Variants in RAF1 observed in about 807,000 individuals in gnomAD.
The protein encoded by RAF1 is RAF proto-oncogene serine/threonine-protein kinase.
In RAF1, 27 loss-of-function variants were observed where a neutral mutation model predicts 81.1. That is an observed-to-expected ratio of 0.33 (90% CI 0.25 to 0.46). RAF1 has a LOEUF of 0.46. Among genes scored for constraint, RAF1 ranks in the 20% least tolerant of loss-of-function variants. The probability of loss-of-function intolerance (pLI) is 1.00; values close to 1 mark genes in which losing one functional copy is unlikely to be tolerated. For synonymous variants in RAF1, 298 were observed against 294.0 expected (o/e 1.01, Z -0.14); for missense variants, 598 against 826.0 (o/e 0.72, Z 3.38).
chr3:12,604,669 C>CT (rs2058971104), intron 6 of RAF1, among the ~76,000 whole-genome samples: 1 of 152,262 alleles, frequency 6.6e-6, no homozygotes, highest in Non-Finnish European at 1.5e-5. Flanking sequence ...AGTTTAGAGA[C>CT]TAAATTTGAG....
At position 12,663,952 on chromosome 3, in the gene RAF1, C is replaced by A. The variant is rs2060969007; in HGVS notation, c.-166G>T. On this transcript the variant is annotated 5_prime_UTR_variant, in exon 1 of 18. Transcript: ENST00000442415. ...CCCAGGGGACGGAGCCCCGAGCAGC[C>A]CCCGCATCGTAGCAAACGCGCTCCG... 1 of 398,324 alleles carries A rather than the reference C, an allele frequency of 2.5e-6. No homozygotes were observed. Among genetic ancestry groups the A allele is most frequent in the Admixed American group, 4.4e-5 (1 of 22,720 alleles). The allele number at this position is 398,324 out of a possible 1,614,324, so 24.7% of individuals were successfully genotyped here. A position where few individuals can be genotyped will look rare whatever the true frequency, so the allele number is the denominator to read the frequency against.
At chr3:12,638,208 T>C (rs1488571995) in intron 1 of RAF1, among the ~76,000 whole-genome samples, 1 of 152,236 alleles carries the variant, frequency 6.6e-6, no homozygotes, top group Non-Finnish European at 1.5e-5. Flanking sequence ...TTTAAGTATC[T>C]AGCATTTGGC....
intron 1 of RAF1, among the ~76,000 whole-genome samples, chr3:12,620,348 G>T (rs1265198812): frequency 6.6e-6 from 1 of 152,114 alleles, no homozygotes; most frequent in Non-Finnish European, 1.5e-5. Flanking sequence ...TGGCCAGGAT[G>T]GTCTCAATCT....
chr3:12,653,644 C>T (rs146438970), intron 1 of RAF1, among the ~76,000 whole-genome samples: 307 of 152,092 alleles, frequency 2.0e-3, no homozygotes, highest in African/African-American at 6.9e-3. Context: ...ACTAGGGAGG[C>T]TGAGGCAGGA....
intron 6 of RAF1, among the ~76,000 whole-genome samples, chr3:12,605,185 C>G (rs1210824787): frequency 6.6e-6 from 1 of 151,592 alleles, no homozygotes; most frequent in African/African-American, 2.4e-5. Context: ...ATTCCTTATT[C>G]TAAGATATGC....
intron 5 of RAF1, 62 bp downstream of exon 5, chr3:12,608,704 A>G (rs1445921874): frequency 6.5e-6 from 10 of 1,548,664 alleles, no homozygotes; most frequent in Non-Finnish European, 8.9e-6. Context: ...TACAACAAAT[A>G]CCCTTTAAAG....
In RAF1 at chr3:12,611,963, G is replaced by A. The variant is rs781571130; in HGVS notation, c.307C>T (p.His103Tyr). ...TTGAGCTCTTACCCTTTGTGTTCGT[G>A]GAGAAGTCTGAACACTGCACAGCAC... is the stretch of plus-strand genomic sequence containing the variant. Residue 103 changes from histidine (H) to tyrosine (Y), a missense_variant, in exon 3 of 18, where the codon CAC (histidine) becomes TAC (tyrosine). Coordinates refer to ENST00000442415, the MANE Select transcript of RAF1 (RefSeq NM_001354689.3). 1 of 1,613,880 alleles carries A rather than the reference G, an allele frequency of 6.2e-7. No individual in the cohort carries two copies. The highest frequency in any genetic ancestry group is 1.1e-5 in the South Asian group (1 of 91,070).
In RAF1 at chr3:12,608,939, A is replaced by G; in HGVS notation, c.424-16T>C. 1 of 1,614,022 alleles carries G rather than the reference A, an allele frequency of 6.2e-7. No individual in the cohort carries two copies. Among genetic ancestry groups the G allele is most frequent in the East Asian group, 2.2e-5 (1 of 44,876 alleles). On this transcript the variant is annotated splice_polypyrimidine_tract_variant and intron_variant, in intron 4 of 17. Transcript: ENST00000442415. Reference sequence around the variant, plus strand: ...TCTTCCGAGCCTACAACAAGAACACAGGTGTAAATTATGCTGAATAAATAA... The same window carrying G: ...TCTTCCGAGCCTACAACAAGAACACGGGTGTAAATTATGCTGAATAAATAA...
At chr3:12,620,582 T>C (rs1317659097) in intron 1 of RAF1, among the ~76,000 whole-genome samples, 1 of 152,112 alleles carries the variant, frequency 6.6e-6, no homozygotes, top group African/African-American at 2.4e-5. Context: ...ATGATTCTCC[T>C]ACCTCAGCTT....
intron 11 of RAF1, among the ~76,000 whole-genome samples, chr3:12,597,627 G>C (rs1286021734): frequency 2.0e-5 from 3 of 152,052 alleles, no homozygotes; most frequent in African/African-American, 7.2e-5. Context: ...AAAATATTCT[G>C]CAACTGGCTG....
At position 12,601,385 on chromosome 3, in the gene RAF1, A is replaced by G. The variant is rs1181566424; in HGVS notation, c.895-970T>C. Among the ~76,000 whole-genome samples, 7 of 152,196 alleles carry G rather than the reference A, an allele frequency of 4.6e-5. No homozygotes were observed. In the East Asian group the frequency reaches 1.3e-3, roughly 29 times the overall value. The stretch of plus-strand genomic sequence containing the variant: ...CGGTTACATTCTCCTCATGGGAGAA[A>G]GCAAAGGCTATCTTTAGAATTTATT... On this transcript the variant is annotated intron_variant, in intron 8 of 17. Coordinates refer to ENST00000442415, the MANE Select transcript of RAF1 (RefSeq NM_001354689.3).
At position 12,601,490 on chromosome 3, in the gene RAF1, T is replaced by C. The variant is rs190611055; in HGVS notation, c.895-1075A>G. Among the ~76,000 whole-genome samples the C allele has an allele frequency of 4.3e-3, 650 of 152,284 alleles. 4 individuals are homozygous for C. Among genetic ancestry groups the C allele is most frequent in the African/African-American group, 0.015 (617 of 41,560 alleles). ...CCAATCTAAAATTCATCGCTTGGAA[T>C]AGAACAGTATAATAGAATAATATAA... On this transcript the variant is annotated intron_variant, in intron 8 of 17. Transcript: ENST00000442415.
intron 1 of RAF1, among the ~76,000 whole-genome samples, chr3:12,658,820 T>G (rs541552795): frequency 3.9e-4 from 59 of 152,298 alleles, no homozygotes; most frequent in African/African-American, 1.3e-3. Context: ...GTACACTGAT[T>G]GGAATGTGAT....
intron 1 of RAF1, among the ~76,000 whole-genome samples, chr3:12,630,923 C>A (rs1478393449): frequency 6.6e-6 from 1 of 152,218 alleles, no homozygotes. Flanking sequence ...CCCACCTCAG[C>A]CTCCTGAGTA....
chr3:12,653,061 C>G (rs929528214), intron 1 of RAF1, among the ~76,000 whole-genome samples: 1 of 152,002 alleles, frequency 6.6e-6, no homozygotes, highest in African/African-American at 2.4e-5. Context: ...GCGGGTAGAT[C>G]GCTTGAGGCC....
At chr3:12,636,495 C>CA (rs376534652) in intron 1 of RAF1, among the ~76,000 whole-genome samples, 79 of 136,890 alleles carry the variant, frequency 5.8e-4, no homozygotes, top group Admixed American at 1.0e-3. Flanking sequence ...CATGGTTGCT[C>CA]AAAAAAAAAA....
At chr3:12,593,787 T>C (rs367838755) in intron 11 of RAF1, among the ~76,000 whole-genome samples, 1 of 36,842 alleles carries the variant, frequency 2.7e-5, no homozygotes, top group Admixed American at 3.1e-4. Context: ...GAGTAAATCC[T>C]TTTTTTTTTT....
intron 1 of RAF1, among the ~76,000 whole-genome samples, chr3:12,619,567 CAAAA>C (rs544916552): frequency 1.2e-5 from 1 of 81,088 alleles, no homozygotes. Flanking sequence ...CTCCATCTCC[CAAAA>C]AAAAAAAAAA....
rs994678301 is a variant in RAF1, at chr3:12,585,917, G to A, written c.1478-118C>T. 5.3e-5 allele frequency: 42 copies of A among 787,092 alleles called. No homozygotes were observed. In the Middle Eastern group the frequency reaches 9.4e-4, roughly 18 times the overall value. The allele number at this position is 787,092 out of a possible 1,614,324, so 48.8% of individuals were successfully genotyped here. A position where few individuals can be genotyped will look rare whatever the true frequency, so the allele number is the denominator to read the frequency against. On this transcript the variant is annotated intron_variant, in intron 14 of 17. Transcript: ENST00000442415. Reference sequence around the variant, plus strand: ...ACCTTACCTCTGTCACAGCCTCTCTGCACTGAACTTCCTAAGGTTTCTGAA... The same window carrying A: ...ACCTTACCTCTGTCACAGCCTCTCTACACTGAACTTCCTAAGGTTTCTGAA...
Sources: allele counts gnomAD v4.1 joint callset (sites outside exome capture counted in the v4.1 genomes callset), GRCh38; gene constraint gnomAD v4.1.1; transcripts MANE v1.5; gene names NCBI Gene and HGNC (gene_info 2026-07-23, HGNC 2026-07-21).